CEBPZOS: variants seen among roughly 807,000 people sequenced by gnomAD.
CEBPZOS encodes the protein CEBPZ opposite strand, also known as protein CEBPZOS.
Under a neutral mutation model 4.8 loss-of-function variants are expected in CEBPZOS, and 10 were observed. The observed-to-expected ratio is 2.07, with a 90% CI of 1.28 to 3.52. CEBPZOS has a LOEUF of 3.52. CEBPZOS is among the 30% of genes most tolerant of loss of function. The probability of loss-of-function intolerance (pLI) is 0.00; values close to 1 mark genes in which losing one functional copy is unlikely to be tolerated. For synonymous variants in CEBPZOS, 25 were observed against 14.2 expected, an observed-to-expected ratio of 1.77 and a Z score of -1.72; for missense variants, 98 against 43.6, an observed-to-expected ratio of 2.25 and a Z score of -3.51.
At chr2:37,214,817 G>T, downstream of CEBPZOS, 2 of 924,946 alleles carry the variant, frequency 2.2e-6, no homozygotes, top group Non-Finnish European at 3.5e-6. Flanking sequence ...ATAAAATGAA[G>T]CATTTTATGA....
At chr2:37,197,988 C>T (rs779728405) in intron 1 of CEBPZOS, among the ~76,000 whole-genome samples, 4 of 152,022 alleles carry the variant, frequency 2.6e-5, no homozygotes, top group Non-Finnish European at 2.9e-5. Context: ...GGGTGAAATC[C>T]GTCTCTACTA....
At chr2:37,215,031 G>T (rs1269679234), downstream of CEBPZOS, 3 of 888,518 alleles carry the variant, frequency 3.4e-6, no homozygotes, top group Admixed American at 6.2e-5. Flanking sequence ...ACAAAATACA[G>T]CATAATCTGT....
chr2:37,199,416 A>G (rs138241784), intron 1 of CEBPZOS, among the ~76,000 whole-genome samples: 1 of 152,318 alleles, frequency 6.6e-6, no homozygotes, highest in East Asian at 1.9e-4. Context: ...CTACACAATT[A>G]AATAATTTTA....
chr2:37,198,174 A>T (rs1447553392), intron 1 of CEBPZOS, among the ~76,000 whole-genome samples: 1 of 151,682 alleles, frequency 6.6e-6, no homozygotes, highest in Non-Finnish European at 1.5e-5. Flanking sequence ...AATAAAATAA[A>T]AAAAAAATAA....
downstream of CEBPZOS, among the ~76,000 whole-genome samples, chr2:37,214,213 A>C (rs1677811455): frequency 6.6e-6 from 1 of 152,226 alleles, no homozygotes; most frequent in Admixed American, 6.5e-5. Context: ...ATTAGAATAC[A>C]GCAAAACTTA....
At chr2:37,214,618 G>C (rs989147376), downstream of CEBPZOS, among the ~76,000 whole-genome samples, 3 of 152,078 alleles carry the variant, frequency 2.0e-5, no homozygotes, top group Admixed American at 2.0e-4. Flanking sequence ...GTTTTACTAA[G>C]ATATATTAAG....
At chr2:37,212,149 T>C in intron 4 of CEBPZOS, 1 of 1,046,624 alleles carries the variant, frequency 9.6e-7, no homozygotes, top group East Asian at 2.4e-5. Context: ...GAGAAAGCTT[T>C]GCAGACTGCT....
chr2:37,200,987 CTGTGT>C, intron 2 of CEBPZOS, 56 bp from the exon 3 acceptor site: 1 of 702,918 alleles, frequency 1.4e-6, no homozygotes, highest in Non-Finnish European at 2.6e-6. Flanking sequence ...TAAATTGTGG[CTGTGT>C]TAATATAATG....
In CEBPZOS at chr2:37,203,060, GA is replaced by G. The variant is rs772417630; in HGVS notation, c.*1205del. 38 of 1,236,800 alleles carry G rather than the reference GA, an allele frequency of 3.1e-5. No homozygotes were observed. Among genetic ancestry groups the G allele is most frequent in the Non-Finnish European group, 4.1e-5 (37 of 896,096 alleles). The allele number at this position is 1,236,800 out of a possible 1,614,324, so 76.6% of individuals were successfully genotyped here. On this transcript the variant is annotated 3_prime_UTR_variant, in exon 5 of 5. Transcript: ENST00000402297. ...TTCAATTATAAATCTAATGATTTTA[GA>G]AAAATGCAATGCAACATGATTTTAT...
At chr2:37,196,732 C>A (rs1229256159) in intron 1 of CEBPZOS, 2 of 150,906 alleles carry the variant, frequency 1.3e-5, no homozygotes, top group Non-Finnish European at 3.0e-5. Flanking sequence ...CCGTGCGTGC[C>A]CGCGCGTGTC....
At chr2:37,216,099 T>C (rs748099620), downstream of CEBPZOS, 38 of 1,399,912 alleles carry the variant, frequency 2.7e-5, no homozygotes, top group Non-Finnish European at 3.3e-5. Context: ...CTTTGTCTTA[T>C]ATTGTCTTTT....
downstream of CEBPZOS, chr2:37,213,971 T>G (rs1325213822): frequency 7.2e-7 from 1 of 1,393,002 alleles, no homozygotes; most frequent in African/African-American, 1.5e-5. Flanking sequence ...CCTATAATAT[T>G]CATGTTATAT....
chr2:37,216,075 T>G, downstream of CEBPZOS: 1 of 1,180,914 alleles, frequency 8.5e-7, no homozygotes, highest in Non-Finnish European at 1.2e-6. Context: ...CAAAGAATAA[T>G]ACAATTTATG....
At chr2:37,205,343 CTGTTCCTGCCTT>C (rs1343421203), downstream of CEBPZOS, among the ~76,000 whole-genome samples, 1 of 152,124 alleles carries the variant, frequency 6.6e-6, no homozygotes, top group Non-Finnish European at 1.5e-5. Context: ...TGAAAATGGC[CTGTTCCTGCCTT>C]AACTGATGAC....
chr2:37,212,619 G>C (rs1239613110), intron 4 of CEBPZOS: 1 of 532,278 alleles, frequency 1.9e-6, no homozygotes, highest in Non-Finnish European at 3.3e-6. Context: ...GTTAATTTCG[G>C]CTCTTTCTAC....
At chr2:37,214,049 C>T (rs1677806421), downstream of CEBPZOS, 2 of 585,998 alleles carry the variant, frequency 3.4e-6, no homozygotes, top group Admixed American at 7.7e-5. Flanking sequence ...CAGTGGCAAA[C>T]CACAACTGTA....
chr2:37,210,083 T>C (rs1056283804), intron 4 of CEBPZOS: 2 of 152,198 alleles, frequency 1.3e-5, no homozygotes, highest in African/African-American at 4.8e-5. Context: ...CAATACCACC[T>C]TACTCCTGCA....
Position 37,202,678 on chromosome 2 carries a change from A to AT in CEBPZOS, c.*818_*819insT. The AT allele has an allele frequency of 4.9e-6, 1 of 205,272 alleles. No individual in the cohort carries two copies. Among genetic ancestry groups the AT allele is most frequent in the Non-Finnish European group, 8.6e-6 (1 of 116,378 alleles). 12.7% of individuals were successfully genotyped at this position (205,272 alleles called of 1,614,324 possible). On this transcript the variant is annotated 3_prime_UTR_variant, in exon 5 of 5. Transcript: ENST00000402297. Reference sequence around the variant, plus strand: ...AAAAAAAAAAAAAAAAAAAAAAAAAAAAAAAAAAAAAAAAGAATAAATAAA... The same window carrying AT: ...AAAAAAAAAAAAAAAAAAAAAAAAAATAAAAAAAAAAAAAAGAATAAATAAA...
intron 2 of CEBPZOS, among the ~76,000 whole-genome samples, chr2:37,200,667 A>C (rs1677177500): frequency 6.6e-6 from 1 of 152,090 alleles, no homozygotes; most frequent in Non-Finnish European, 1.5e-5. Flanking sequence ...TTAAGAAAAA[A>C]AAAAAAAGTG....
Sources: allele counts gnomAD v4.1 joint callset (sites outside exome capture counted in the v4.1 genomes callset), GRCh38; gene constraint gnomAD v4.1.1; transcripts MANE v1.5; gene names NCBI Gene and HGNC (gene_info 2026-07-23, HGNC 2026-07-21).